SLC44A5: variants seen among roughly 807,000 people sequenced by gnomAD.
SLC44A5 encodes the protein solute carrier family 44 member 5.
In SLC44A5, 57 loss-of-function variants were observed where a neutral mutation model predicts 101.8. That is an observed-to-expected ratio of 0.56 (90% CI 0.45 to 0.70). The LOEUF (loss-of-function observed/expected upper bound fraction) is 0.70. SLC44A5 is among the 30% of genes least tolerant of loss of function. SLC44A5 has a pLI of 0.00. For synonymous variants in SLC44A5, 281 were observed against 290.9 expected (o/e 0.97, Z 0.35); for missense variants, 737 against 853.1 (o/e 0.86, Z 1.70).
chr1:75,276,532 ATTATT>A (rs1444910905), intron 5 of SLC44A5, among the ~76,000 whole-genome samples: 2 of 150,484 alleles, frequency 1.3e-5, no homozygotes, highest in African/African-American at 2.4e-5. Context: ...GAGTCACTTA[ATTATT>A]TTGAGTCCTG....
chr1:75,373,626 G>A (rs1222920502), intron 3 of SLC44A5, among the ~76,000 whole-genome samples: 2 of 152,158 alleles, frequency 1.3e-5, no homozygotes, highest in African/African-American at 2.4e-5. Flanking sequence ...CCAGGAGAGA[G>A]CAAGGCTGCC....
upstream of SLC44A5, among the ~76,000 whole-genome samples, chr1:75,615,193 C>A (rs1016086117): frequency 1.3e-5 from 2 of 151,974 alleles, no homozygotes; most frequent in African/African-American, 4.8e-5. Flanking sequence ...AGCCACTGCC[C>A]GTCTCGACAG....
At chr1:75,479,353 AG>A (rs1304187062) in intron 2 of SLC44A5, among the ~76,000 whole-genome samples, 3 of 152,230 alleles carry the variant, frequency 2.0e-5, no homozygotes, top group African/African-American at 7.2e-5. Flanking sequence ...TAGAAAAGCA[AG>A]AGCAAACACA....
At chr1:75,519,784 G>A (rs1388185791) in intron 2 of SLC44A5, among the ~76,000 whole-genome samples, 4 of 152,170 alleles carry the variant, frequency 2.6e-5, no homozygotes, top group Non-Finnish European at 5.9e-5. Flanking sequence ...TTTGCTCTGA[G>A]TCAACTAAAT....
At chr1:75,696,880 C>T in the SLC44A5 span, among the ~76,000 whole-genome samples, 1 of 150,914 alleles carries the variant, frequency 6.6e-6, no homozygotes. Flanking sequence ...CAGAGCGAGA[C>T]TCTGTCTCAG....
chr1:75,213,595 G>T, intron 22 of SLC44A5, 110 bp downstream of exon 22: 1 of 814,732 alleles, frequency 1.2e-6, no homozygotes, highest in South Asian at 1.7e-5. Flanking sequence ...CCTTGATCTT[G>T]GACTTCCCAG....
chr1:75,511,397 G>C (rs1480388930), intron 2 of SLC44A5, among the ~76,000 whole-genome samples: 3 of 152,022 alleles, frequency 2.0e-5, no homozygotes, highest in Non-Finnish European at 4.4e-5. Flanking sequence ...TATACATAAA[G>C]GCTATGGATG....
chr1:75,414,791 A>C (rs1194530683), intron 2 of SLC44A5, among the ~76,000 whole-genome samples: 3 of 152,198 alleles, frequency 2.0e-5, no homozygotes, highest in Non-Finnish European at 4.4e-5. Context: ...ATCTAATAAA[A>C]GTCTAGCATA....
At chr1:75,251,186 C>T in intron 7 of SLC44A5, 24 bp downstream of exon 7, 3 of 1,561,394 alleles carry the variant, frequency 1.9e-6, no homozygotes, top group Non-Finnish European at 2.6e-6. Flanking sequence ...GCTGACACTA[C>T]CAGTGAGGCA....
intron 4 of SLC44A5, among the ~76,000 whole-genome samples, chr1:75,334,989 C>A (rs1657330842): frequency 1.3e-5 from 2 of 152,180 alleles, no homozygotes; most frequent in African/African-American, 4.8e-5. Context: ...CCACTACATA[C>A]AGCTGTACAT....
intron 23 of SLC44A5, among the ~76,000 whole-genome samples, chr1:75,207,451 G>A (rs893343087): frequency 6.6e-6 from 1 of 152,162 alleles, no homozygotes; most frequent in African/African-American, 2.4e-5. Context: ...CTGCTGGCTA[G>A]TTGGGAGGAA....
chr1:75,311,746 AATG>A (rs2100916969), intron 4 of SLC44A5: 1 of 158,442 alleles, frequency 6.3e-6, no homozygotes, highest in African/African-American at 2.4e-5. Flanking sequence ...CAATCAATAA[AATG>A]ATGACAGATT....
At chr1:75,566,136 A>G (rs1350338794) in intron 1 of SLC44A5, among the ~76,000 whole-genome samples, 4 of 152,210 alleles carry the variant, frequency 2.6e-5, no homozygotes, top group Non-Finnish European at 4.4e-5. Flanking sequence ...GGAATGCCAC[A>G]GCACCAGAGG....
intron 6 of SLC44A5, among the ~76,000 whole-genome samples, chr1:75,265,887 C>G (rs1257042202): frequency 6.6e-6 from 1 of 152,112 alleles, no homozygotes; most frequent in African/African-American, 2.4e-5. Flanking sequence ...CAGTAGGTGG[C>G]ATCAAAAATC....
At chr1:75,232,879 G>A (rs535068973) in intron 12 of SLC44A5, among the ~76,000 whole-genome samples, 1 of 152,140 alleles carries the variant, frequency 6.6e-6, no homozygotes, top group African/African-American at 2.4e-5. Context: ...TATACAACCT[G>A]CAGATTCAAC....
At chr1:75,676,615 T>C in the SLC44A5 span, among the ~76,000 whole-genome samples, 1 of 152,184 alleles carries the variant, frequency 6.6e-6, no homozygotes, top group Non-Finnish European at 1.5e-5. Context: ...AGGAGATAGA[T>C]TGATAGGTGC....
intron 2 of SLC44A5, among the ~76,000 whole-genome samples, chr1:75,451,869 A>G (rs926239341): frequency 6.6e-6 from 1 of 152,172 alleles, no homozygotes; most frequent in African/African-American, 2.4e-5. Flanking sequence ...AAGCAACCAA[A>G]CCTATGAATT....
intron 18 of SLC44A5, among the ~76,000 whole-genome samples, chr1:75,216,681 T>C (rs952725379): frequency 1.3e-5 from 2 of 152,014 alleles, no homozygotes; most frequent in African/African-American, 4.8e-5. Context: ...ATTGTGGTTT[T>C]GACTTGCATT....
At chr1:75,335,212 T>C (rs2101015875) in intron 4 of SLC44A5, among the ~76,000 whole-genome samples, 1 of 152,334 alleles carries the variant, frequency 6.6e-6, no homozygotes, top group South Asian at 2.1e-4. Flanking sequence ...AAACCAGTTA[T>C]GTACATTTCT....
Sources: gnomAD v4.1 joint callset for allele counts (sites outside exome capture counted in the v4.1 genomes callset) on GRCh38, gnomAD v4.1.1 for gene constraint, MANE v1.5 for transcripts, NCBI Gene and HGNC (gene_info 2026-07-23, HGNC 2026-07-21) for gene names.